PDE6C: variants seen among roughly 807,000 people sequenced by gnomAD.
PDE6C encodes phosphodiesterase 6C.
In PDE6C, 75 loss-of-function variants were observed where a neutral mutation model predicts 113.1. The ratio of observed to expected loss-of-function variants is 0.66; its 90% CI spans 0.55 to 0.80. The LOEUF (loss-of-function observed/expected upper bound fraction) is 0.80, where lower values mean the gene tolerates loss of function less well. PDE6C is among the 30% of genes least tolerant of loss of function. The pLI is 0.00. For synonymous variants in PDE6C, 375 were observed against 363.7 expected (o/e 1.03, Z -0.35); for missense variants, 912 against 1,038.6 (o/e 0.88, Z 1.67).
Position 93,612,580 on chromosome 10 carries a change from T to C in PDE6C, c.-146T>C, listed in dbSNP as rs924354714. On this transcript the variant is annotated 5_prime_UTR_variant, in exon 1 of 22. Coordinates refer to ENST00000371447, the MANE Select transcript of PDE6C (RefSeq NM_006204.4). ...CAGGCAGTTTGAAAGCTCTGCTTTC[T>C]GCTTGACCTTTGGAAGTCCTATGAG... 8 of 1,083,114 alleles carry C rather than the reference T, an allele frequency of 7.4e-6. No homozygotes were observed. The African/African-American group carries it at 1.2e-4, about 17-fold the overall frequency. The allele number at this position is 1,083,114 out of a possible 1,614,324, so 67.1% of individuals were successfully genotyped here.
intron 10 of PDE6C, among the ~76,000 whole-genome samples, chr10:93,636,210 A>G (rs1314419714): frequency 6.6e-6 from 1 of 152,212 alleles, no homozygotes. Flanking sequence ...CATCACATTC[A>G]CCAAAATGCT....
At chr10:93,648,928 G>A (rs2058596711) in intron 15 of PDE6C, among the ~76,000 whole-genome samples, 1 of 152,148 alleles carries the variant, frequency 6.6e-6, no homozygotes, top group Admixed American at 6.6e-5. Context: ...ATGTGAAGGA[G>A]AAATCAAATA....
chr10:93,641,058 C>G lies in PDE6C; in HGVS notation c.1847+29C>G. The G allele has an allele frequency of 1.6e-6, 2 of 1,284,856 alleles. 1 individual carries two copies. The highest frequency in any genetic ancestry group is 2.4e-5 in the South Asian group (2 of 84,534). The allele number at this position is 1,284,856 out of a possible 1,614,324, so 79.6% of individuals were successfully genotyped here. On this transcript the variant is annotated intron_variant, in intron 14 of 21. Transcript: ENST00000371447. ...AGTGAACACATGTCCAATGTTGACA[C>G]GTATTGGTGGACATTGGAAAGTACT...
rs776444648 is a variant in PDE6C, at chr10:93,658,952, GGAA to G, written c.2096_2098del (p.Glu699del). On this transcript the variant is annotated inframe_deletion, in exon 17 of 22. Coordinates refer to ENST00000371447, the MANE Select transcript of PDE6C (RefSeq NM_006204.4). ...TTGATGCCTGTGAACAAATGCAAAC[GGAA>G]GAAGAAGCCATCAAATATGTAACTG... 5.8e-5 allele frequency: 94 copies of G among 1,613,046 alleles called. No individual in the cohort carries two copies. Among genetic ancestry groups the G allele is most frequent in the Non-Finnish European group, 7.0e-5 (83 of 1,179,232 alleles).
At chr10:93,657,279 A>G (rs1164945325) in intron 16 of PDE6C, among the ~76,000 whole-genome samples, 1 of 149,502 alleles carries the variant, frequency 6.7e-6, no homozygotes, top group Non-Finnish European at 1.5e-5. Flanking sequence ...CTTCTGCCTC[A>G]GCCTCCAGAG....
rs1170041012 is a variant in PDE6C at position 93,636,364 on chromosome 10, G to GTGT, written c.1414-631_1414-630insTGT. 3.6e-3 allele frequency among the ~76,000 whole-genome samples: 404 copies of GTGT among 111,776 alleles called. 2 individuals are homozygous for GTGT. The highest frequency in any genetic ancestry group is 4.1e-3 in the Admixed American group (38 of 9,222). The allele number at this position is 111,776 out of a possible 152,430, so 73.3% of individuals were successfully genotyped here. ...CCATCTCTATTTCTTTTATTTCCCT[G>GTGT]GCTTTGTGTGTGTGTGTGTGTGTGT... On this transcript the variant is annotated intron_variant, in intron 10 of 21. Transcript: ENST00000371447.
intron 11 of PDE6C, among the ~76,000 whole-genome samples, chr10:93,638,722 T>C (rs2058545526): frequency 6.6e-6 from 1 of 152,204 alleles, no homozygotes; most frequent in African/African-American, 2.4e-5. Flanking sequence ...CCTGGCATCA[T>C]TTCCCAGCTA....
intron 15 of PDE6C, among the ~76,000 whole-genome samples, chr10:93,651,482 C>T (rs2058609443): frequency 6.6e-6 from 1 of 152,188 alleles, no homozygotes. Flanking sequence ...GGAAGTGGCA[C>T]ACTTAAAACC....
chr10:93,623,338 T>C (rs1376692246), intron 4 of PDE6C, among the ~76,000 whole-genome samples: 1 of 152,262 alleles, frequency 6.6e-6, no homozygotes, highest in East Asian at 1.9e-4. Context: ...TTGTAAGAGT[T>C]ATTTGTATAT....
intron 14 of PDE6C, among the ~76,000 whole-genome samples, chr10:93,644,777 C>A (rs1275182773): frequency 1.9e-5 from 2 of 103,470 alleles, no homozygotes; most frequent in South Asian, 3.6e-4. Context: ...AAATGTGGTG[C>A]GTGTATATAT....
At chr10:93,660,268 G>A (rs909266365) in intron 18 of PDE6C, among the ~76,000 whole-genome samples, 1 of 152,194 alleles carries the variant, frequency 6.6e-6, no homozygotes, top group Non-Finnish European at 1.5e-5. Flanking sequence ...TAATACAGGA[G>A]CCTTCGTGAG....
intron 15 of PDE6C, 73 bp from the exon 16 acceptor site, chr10:93,655,687 C>G: frequency 4.9e-6 from 3 of 616,968 alleles, no homozygotes; most frequent in East Asian, 3.6e-5. Flanking sequence ...AGATTTTCTT[C>G]TTGTTAAGCA....
At chr10:93,660,527 A>G (rs962015280) in intron 18 of PDE6C, among the ~76,000 whole-genome samples, 6 of 152,092 alleles carry the variant, frequency 3.9e-5, no homozygotes, top group Non-Finnish European at 8.8e-5. Context: ...GAAAATCCTT[A>G]CCTGGTTTTA....
chr10:93,634,697 T>G lies in PDE6C; in HGVS notation c.1120-61T>G, dbSNP rs555033360. The G allele has an allele frequency of 1.2e-5, 19 of 1,546,336 alleles. No individual in the cohort carries two copies. In the South Asian group the frequency reaches 2.2e-4, roughly 18 times the overall value. ...CATTTCTTTTGTAATATCCTGTGAA[T>G]TTATGATTATTTCAAACTAAAAAGG... On this transcript the variant is annotated intron_variant, in intron 8 of 21. Transcript: ENST00000371447.
chr10:93,624,404 A>AT (rs1334725974), intron 4 of PDE6C, among the ~76,000 whole-genome samples: 1 of 151,906 alleles, frequency 6.6e-6, no homozygotes, highest in Non-Finnish European at 1.5e-5. Flanking sequence ...ACGTCCACTG[A>AT]TTTTCGGTAT....
chr10:93,631,647 A>G (rs913072275), intron 8 of PDE6C, among the ~76,000 whole-genome samples: 4 of 152,196 alleles, frequency 2.6e-5, no homozygotes, highest in Non-Finnish European at 4.4e-5. Flanking sequence ...ACAGCGGACT[A>G]GGACGGGTGA....
chr10:93,613,711 C>A (rs140633331), intron 1 of PDE6C, among the ~76,000 whole-genome samples: 1 of 152,168 alleles, frequency 6.6e-6, no homozygotes, highest in Non-Finnish European at 1.5e-5. Flanking sequence ...TTTCATCTAT[C>A]GACCAAATGT....
chr10:93,660,714 C>G (rs769176827), intron 18 of PDE6C, among the ~76,000 whole-genome samples: 1 of 152,172 alleles, frequency 6.6e-6, no homozygotes, highest in African/African-American at 2.4e-5. Flanking sequence ...TGCTCTTCTT[C>G]CTCTGTTCTT....
Position 93,658,996 on chromosome 10 carries a change from A to C in PDE6C, c.2132A>C (p.Lys711Thr). ...TATGTAACTGTTGATCCAACCAAGAAAGAGATTATCATGTAGGTAGTTGAA... is the reference window on the plus strand; with the variant it reads ...TATGTAACTGTTGATCCAACCAAGACAGAGATTATCATGTAGGTAGTTGAA... ...IKYVTVDPTK[K>T]EIIMAMMMTA... The change falls in exon 17 of 22, where the codon AAA becomes ACA. Residue 711 changes from lysine (K) to threonine (T), a missense_variant. Physicochemically the swap from Lys to Thr is moderately conservative, Grantham distance 78. Coordinates refer to ENST00000371447, the MANE Select transcript of PDE6C (RefSeq NM_006204.4). 6.2e-7 allele frequency: 1 copy of C among 1,604,000 alleles called. No homozygotes were observed. Among genetic ancestry groups the C allele is most frequent in the African/African-American group, 1.3e-5 (1 of 74,838 alleles).
Sources: allele counts gnomAD v4.1 joint callset (sites outside exome capture counted in the v4.1 genomes callset), GRCh38; gene constraint gnomAD v4.1.1; transcripts MANE v1.5; gene names NCBI Gene and HGNC (gene_info 2026-07-23, HGNC 2026-07-21).